The following AFF1 variants were observed in gnomAD, a reference collection of about 807,000 sequenced individuals.
AFF1 encodes the protein ALF transcription elongation factor 1.
A neutral mutation model predicts 121.7 loss-of-function variants in AFF1; 48 were observed. That is an observed-to-expected ratio of 0.39 (90% CI 0.31 to 0.50). The LOEUF (loss-of-function observed/expected upper bound fraction) is 0.50, where lower values mean the gene tolerates loss of function less well. Among genes scored for constraint, AFF1 ranks in the 20% least tolerant of loss-of-function variants. AFF1 has a pLI of 0.76. For missense variants in AFF1, 1,523 were observed against 1,511.7 expected (o/e 1.01, Z -0.12); for synonymous variants, 613 against 563.0 (o/e 1.09, Z -1.26).
chr4:87,098,600 A>G (rs536859480), intron 8 of AFF1, among the ~76,000 whole-genome samples: 3 of 152,230 alleles, frequency 2.0e-5, no homozygotes, highest in Admixed American at 6.5e-5. Context: ...TAAAAAAGCA[A>G]TTTATTTGTA....
intron 2 of AFF1, among the ~76,000 whole-genome samples, chr4:87,043,318 T>A (rs1161157596): frequency 6.6e-6 from 1 of 152,198 alleles, no homozygotes; most frequent in Non-Finnish European, 1.5e-5. Context: ...CATAGGCCTG[T>A]CTTGACTGCT....
At chr4:86,984,473 C>T (rs1232680160) in intron 2 of AFF1, among the ~76,000 whole-genome samples, 1 of 151,924 alleles carries the variant, frequency 6.6e-6, no homozygotes, top group Non-Finnish European at 1.5e-5. Flanking sequence ...AGGCGCACGT[C>T]ACCATGTGCA....
At chr4:87,022,568 ATATATATATATATATC>A (rs1449222072) in intron 2 of AFF1, among the ~76,000 whole-genome samples, 2 of 84,036 alleles carry the variant, frequency 2.4e-5, no homozygotes, top group African/African-American at 5.1e-5. Context: ...ATATATATAT[ATATATATATATATATC>A]TATCTATATC....
chr4:87,018,229 G>C (rs528889317), intron 2 of AFF1, among the ~76,000 whole-genome samples: 1 of 152,346 alleles, frequency 6.6e-6, no homozygotes, highest in South Asian at 2.1e-4. Flanking sequence ...CTCTGAGTTG[G>C]TTTAGATAAA....
At chr4:87,006,398 T>C (rs1726125256) in intron 2 of AFF1, among the ~76,000 whole-genome samples, 2 of 152,218 alleles carry the variant, frequency 1.3e-5, no homozygotes. Context: ...GGACTTACTA[T>C]ATTGCATGCT....
chr4:87,091,880 T>C lies in AFF1; in HGVS notation c.1228+51T>C, dbSNP rs753187045. 26 of 1,362,380 alleles carry C rather than the reference T, an allele frequency of 1.9e-5. No homozygotes were observed. In the South Asian group the frequency reaches 3.1e-4, roughly 16 times the overall value. The allele number at this position is 1,362,380 out of a possible 1,614,324, so 84.4% of individuals were successfully genotyped here. On this transcript the variant is annotated intron_variant, in intron 7 of 20. Coordinates refer to ENST00000395146, the MANE Select transcript of AFF1 (RefSeq NM_001166693.3). ...GGATTGGAGAACAAAGCATAGCTTT[T>C]ACTGTTTAACGTAAAAACATTAGTA... is the stretch of plus-strand genomic sequence containing the variant.
intron 11 of AFF1, among the ~76,000 whole-genome samples, chr4:87,111,168 C>T (rs1197723615): frequency 1.2e-5 from 1 of 82,152 alleles, no homozygotes; most frequent in African/African-American, 4.1e-5. Flanking sequence ...CTACCACGCC[C>T]GGCTAATTTT....
intron 2 of AFF1, among the ~76,000 whole-genome samples, chr4:86,964,737 A>G (rs1448343946): frequency 6.6e-6 from 1 of 152,148 alleles, no homozygotes; most frequent in Non-Finnish European, 1.5e-5. Flanking sequence ...CCCGGCTGTT[A>G]TATACATCCT....
At chr4:87,066,391 C>G (rs1217292533) in intron 4 of AFF1, among the ~76,000 whole-genome samples, 1 of 151,984 alleles carries the variant, frequency 6.6e-6, no homozygotes. Context: ...TTGAGACTAG[C>G]CTAGGCAACA....
chr4:87,101,135 A>G (rs539304803), intron 8 of AFF1, among the ~76,000 whole-genome samples: 1 of 152,164 alleles, frequency 6.6e-6, no homozygotes, highest in East Asian at 1.9e-4. Context: ...TTGTGTCACA[A>G]CTGCTGGAGA....
At chr4:87,024,511 A>T (rs184265663) in intron 2 of AFF1, among the ~76,000 whole-genome samples, 1 of 152,138 alleles carries the variant, frequency 6.6e-6, no homozygotes, top group East Asian at 1.9e-4. Context: ...AACTCCAGCA[A>T]TATTTGGGAC....
At position 87,131,233 on chromosome 4, in the gene AFF1, C is replaced by T; in HGVS notation, c.3101+14C>T. On this transcript the variant is annotated intron_variant, in intron 17 of 20. Coordinates refer to ENST00000395146, the MANE Select transcript of AFF1 (RefSeq NM_001166693.3). ...AGATCTCATTAAGTAAGTGCCGAGT[C>T]ATTGTGCTTTCCTCTTAAGTCCTTT... 3 of 1,613,504 alleles carry T rather than the reference C, an allele frequency of 1.9e-6. No individual in the cohort carries two copies. In the East Asian group the frequency reaches 6.7e-5, roughly 36 times the overall value.
intron 2 of AFF1, among the ~76,000 whole-genome samples, chr4:86,984,267 AT>A (rs1185382525): frequency 7.0e-6 from 1 of 143,126 alleles, no homozygotes. Context: ...GTCCTGCACT[AT>A]TTTTCAAAGT....
intron 2 of AFF1, among the ~76,000 whole-genome samples, chr4:86,988,165 C>T (rs1331212634): frequency 6.6e-6 from 1 of 152,032 alleles, no homozygotes; most frequent in Non-Finnish European, 1.5e-5. Flanking sequence ...AAACATGTAT[C>T]ATTTCTTTAT....
At chr4:87,091,429 AC>A (rs1472810051) in intron 6 of AFF1, among the ~76,000 whole-genome samples, 1 of 152,238 alleles carries the variant, frequency 6.6e-6, no homozygotes, top group Admixed American at 6.5e-5. Context: ...AACAAAAAAA[AC>A]AGTGACTCAT....
rs1165893573 is a variant in AFF1 at position 87,126,263 on chromosome 4, A to T, written c.2738A>T (p.Asn913Ile). ...PPKSASSTKS[N>I]HKDSSIPKQR... ...AAAAGTGCCAGCAGTACCAAGAGCA[A>T]CCACAAAGACTCTTCCATTCCCAAG... is the stretch of plus-strand genomic sequence containing the variant. Residue 913 changes from asparagine to isoleucine, a missense_variant, in exon 14 of 21, where the codon AAC (asparagine) becomes ATC (isoleucine). By Grantham distance (149) the Asn-to-Ile change is moderately radical. Transcript: ENST00000395146. 1 of 1,614,112 alleles carries T rather than the reference A, an allele frequency of 6.2e-7. No individual in the cohort carries two copies. Among genetic ancestry groups the T allele is most frequent in the African/African-American group, 1.3e-5 (1 of 75,022 alleles).
chr4:87,064,210 C>T (rs986985212), intron 4 of AFF1, among the ~76,000 whole-genome samples: 8 of 152,126 alleles, frequency 5.3e-5, no homozygotes, highest in Non-Finnish European at 1.5e-5. Flanking sequence ...CTGAACTGAA[C>T]ACTGATGTAT....
At chr4:87,106,511 C>T (rs1725928902) in intron 10 of AFF1, among the ~76,000 whole-genome samples, 1 of 152,190 alleles carries the variant, frequency 6.6e-6, no homozygotes, top group Non-Finnish European at 1.5e-5. Context: ...TTCAATAAAG[C>T]TCAGTTATTT....
chr4:87,086,712 GCTCTTA>G (rs1220825452), intron 5 of AFF1, among the ~76,000 whole-genome samples: 4 of 152,142 alleles, frequency 2.6e-5, no homozygotes, highest in Admixed American at 2.6e-4. Context: ...GTCCATTCCA[GCTCTTA>G]CTCTTGACGC....
Sources: gnomAD v4.1 joint callset for allele counts (sites outside exome capture counted in the v4.1 genomes callset) on GRCh38, gnomAD v4.1.1 for gene constraint, MANE v1.5 for transcripts, NCBI Gene and HGNC (gene_info 2026-07-23, HGNC 2026-07-21) for gene names.